The following AKAP6 variants were observed in gnomAD, a reference collection of about 807,000 sequenced individuals.
AKAP6 encodes the protein A-kinase anchoring protein 6.
A neutral mutation model predicts 188.5 loss-of-function variants in AKAP6; 58 were observed. That is an observed-to-expected ratio of 0.31 (90% CI 0.25 to 0.38). The LOEUF (loss-of-function observed/expected upper bound fraction) is 0.38, where lower values mean the gene tolerates loss of function less well. Ranked by LOEUF, AKAP6 falls within the 10% of genes least tolerant of loss-of-function variation. The pLI is 1.00. For missense variants in AKAP6, 2,710 were observed against 2,740.0 expected (o/e 0.99, Z 0.24); for synonymous variants, 989 against 998.6 (o/e 0.99, Z 0.18).
chr14:32,753,230 A>T lies in AKAP6; in HGVS notation c.3372+17348A>T, dbSNP rs148043026. Reference sequence around the variant, plus strand: ...ACTTGCTATCTTTTCTCTTTTTGATAATAGCCATTCTAACAGGTGTGAGGT... The same window carrying T: ...ACTTGCTATCTTTTCTCTTTTTGATTATAGCCATTCTAACAGGTGTGAGGT... On this transcript the variant is annotated intron_variant, in intron 11 of 13. Coordinates refer to ENST00000280979, the MANE Select transcript of AKAP6 (RefSeq NM_004274.5). 1.3e-5 allele frequency among the ~76,000 whole-genome samples: 2 copies of T among 152,236 alleles called. 1 individual carries two copies. Among genetic ancestry groups the T allele is most frequent in the African/African-American group, 4.8e-5 (2 of 41,548 alleles).
intron 12 of AKAP6, among the ~76,000 whole-genome samples, chr14:32,792,747 C>T (rs2033648256): frequency 6.6e-6 from 1 of 152,082 alleles, no homozygotes; most frequent in Admixed American, 6.6e-5. Context: ...ATGATATTGG[C>T]TATGGGTTAG....
intron 8 of AKAP6, among the ~76,000 whole-genome samples, chr14:32,684,902 C>G (rs9322909): frequency 0.049 from 7,424 of 152,150 alleles, 563 homozygotes; most frequent in African/African-American, 0.17. Context: ...ATACGTAAGA[C>G]TTAATCTCTA....
intron 8 of AKAP6, among the ~76,000 whole-genome samples, chr14:32,686,740 G>A (rs148957226): frequency 6.6e-6 from 1 of 152,282 alleles, no homozygotes; most frequent in East Asian, 1.9e-4. Flanking sequence ...TGTTGAAGCA[G>A]AAGATCATGG....
intron 7 of AKAP6, among the ~76,000 whole-genome samples, chr14:32,618,942 A>G (rs1312992045): frequency 1.3e-5 from 2 of 152,106 alleles, no homozygotes. Context: ...CAGTGATTTT[A>G]AGCATTTTTT....
At chr14:32,767,836 C>G (rs1249684747) in intron 11 of AKAP6, among the ~76,000 whole-genome samples, 1 of 152,116 alleles carries the variant, frequency 6.6e-6, no homozygotes, top group Non-Finnish European at 1.5e-5. Context: ...ATCAATCACA[C>G]CTTACATTTG....
At chr14:32,518,729 T>C (rs1881656969) in intron 2 of AKAP6, among the ~76,000 whole-genome samples, 1 of 152,200 alleles carries the variant, frequency 6.6e-6, no homozygotes, top group Non-Finnish European at 1.5e-5. Context: ...TTGGTGTACC[T>C]GAAAGTGACG....
chr14:32,549,403 T>G (rs1883352754), intron 4 of AKAP6, among the ~76,000 whole-genome samples: 1 of 152,188 alleles, frequency 6.6e-6, no homozygotes, highest in South Asian at 2.1e-4. Context: ...GAAGGTGGCG[T>G]TTCAGGTAGG....
chr14:32,570,563 A>AT (rs897401835), intron 4 of AKAP6, among the ~76,000 whole-genome samples: 1 of 152,022 alleles, frequency 6.6e-6, no homozygotes, highest in East Asian at 1.9e-4. Flanking sequence ...ATTAGGAATG[A>AT]TTTTTTTTAA....
intron 1 of AKAP6, among the ~76,000 whole-genome samples, chr14:32,378,679 T>G (rs994227646): frequency 5.3e-5 from 8 of 152,224 alleles, no homozygotes; most frequent in Non-Finnish European, 5.9e-5. Context: ...TTTTCTAGTG[T>G]TACAAAGCTA....
rs1161712232 is a variant in AKAP6 at position 32,693,160 on chromosome 14, T to C, written c.2880-2830T>C. ...GCTGGGCTTATTGAAATGGGTCTTG[T>C]CAAGGATATTATGAGGCTTCCTCCC... On this transcript the variant is annotated intron_variant, in intron 8 of 13. Coordinates refer to ENST00000280979, the MANE Select transcript of AKAP6 (RefSeq NM_004274.5). Among the ~76,000 whole-genome samples, 6 of 152,284 alleles carry C rather than the reference T, an allele frequency of 3.9e-5. No homozygotes were observed. In the East Asian group the frequency reaches 1.2e-3, roughly 29 times the overall value.
At chr14:32,704,088 G>T (rs1359955067) in intron 9 of AKAP6, among the ~76,000 whole-genome samples, 1 of 152,130 alleles carries the variant, frequency 6.6e-6, no homozygotes, top group Non-Finnish European at 1.5e-5. Flanking sequence ...GGATCTAAAG[G>T]TTAAAAGTAA....
intron 2 of AKAP6, among the ~76,000 whole-genome samples, chr14:32,476,085 C>T (rs1879053176): frequency 6.6e-6 from 1 of 151,878 alleles, no homozygotes; most frequent in Non-Finnish European, 1.5e-5. Context: ...TTTAAATTTT[C>T]ATGTTTATAT....
chr14:32,596,840 G>T (rs1885725013), intron 5 of AKAP6, among the ~76,000 whole-genome samples: 1 of 152,154 alleles, frequency 6.6e-6, no homozygotes, highest in Non-Finnish European at 1.5e-5. Context: ...AAAAGGTGGG[G>T]ACAAAATGGC....
intron 2 of AKAP6, among the ~76,000 whole-genome samples, chr14:32,534,694 G>A (rs1466198162): frequency 2.0e-5 from 3 of 152,002 alleles, no homozygotes; most frequent in South Asian, 4.2e-4. Context: ...GGCTGGGTGC[G>A]GTGGCTCAGG....
chr14:32,668,578 T>G (rs188814507), intron 7 of AKAP6, among the ~76,000 whole-genome samples: 167 of 152,244 alleles, frequency 1.1e-3, no homozygotes, highest in African/African-American at 3.7e-3. Context: ...TTCTAATAAT[T>G]TGCAAACAAC....
Position 32,527,644 on chromosome 14 carries a change from G to A in AKAP6, c.325-7910G>A, listed in dbSNP as rs544908266. On this transcript the variant is annotated intron_variant, in intron 2 of 13. Transcript: ENST00000280979. The stretch of plus-strand genomic sequence containing the variant: ...TTGGCCATTCTAATGATTATGTAAT[G>A]GTATCTCATTGTTTTAATGGTATCT... Among the ~76,000 whole-genome samples, 9 of 152,124 alleles carry A rather than the reference G, an allele frequency of 5.9e-5. No homozygotes were observed. The South Asian group carries it at 1.7e-3, about 28-fold the overall frequency.
chr14:32,570,579 C>T (rs1884434034), intron 4 of AKAP6, among the ~76,000 whole-genome samples: 1 of 152,046 alleles, frequency 6.6e-6, no homozygotes. Context: ...TTTAAATAAT[C>T]ACTTATCAAG....
At chr14:32,391,356 T>A (rs550996323) in intron 1 of AKAP6, among the ~76,000 whole-genome samples, 265 of 152,288 alleles carry the variant, frequency 1.7e-3, no homozygotes, top group African/African-American at 6.2e-3. Context: ...CCTCCCAGGC[T>A]TTTATTACCA....
At chr14:32,712,204 G>C (rs1029733366) in intron 9 of AKAP6, among the ~76,000 whole-genome samples, 4 of 151,958 alleles carry the variant, frequency 2.6e-5, no homozygotes, top group Non-Finnish European at 5.9e-5. Flanking sequence ...CTATACTGTA[G>C]GCTGTTAAGT....
Sources: gnomAD v4.1 joint callset for allele counts (sites outside exome capture counted in the v4.1 genomes callset) on GRCh38, gnomAD v4.1.1 for gene constraint, MANE v1.5 for transcripts, NCBI Gene and HGNC (gene_info 2026-07-23, HGNC 2026-07-21) for gene names.